Variants in NBEA observed in about 807,000 individuals in gnomAD.
The protein encoded by NBEA is lysosomal-trafficking regulator 2.
In NBEA, 44 loss-of-function variants were observed where a neutral mutation model predicts 343.4. The ratio of observed to expected loss-of-function variants is 0.13; its 90% CI spans 0.10 to 0.16. The LOEUF is 0.16. NBEA is among the 10% of genes least tolerant of loss of function. The pLI is 1.00. For synonymous variants in NBEA, 1,175 were observed against 1,238.7 expected (o/e 0.95, Z 1.08); for missense variants, 2,555 against 3,631.3 (o/e 0.70, Z 7.62).
chr13:35,211,983 A>G (rs1228185944), intron 33 of NBEA, among the ~76,000 whole-genome samples: 2 of 140,586 alleles, frequency 1.4e-5, no homozygotes, highest in African/African-American at 5.4e-5. Flanking sequence ...TTCTTGGAGT[A>G]AGATTGTGTA....
At chr13:34,959,299 C>T (rs2059588550) in intron 1 of NBEA, among the ~76,000 whole-genome samples, 1 of 151,846 alleles carries the variant, frequency 6.6e-6, no homozygotes, top group African/African-American at 2.4e-5. Context: ...TTAATCTGTT[C>T]ACATGCTTGT....
At chr13:35,435,598 G>A (rs1172043843) in intron 39 of NBEA, among the ~76,000 whole-genome samples, 1 of 152,058 alleles carries the variant, frequency 6.6e-6, no homozygotes, top group Non-Finnish European at 1.5e-5. Context: ...ACCTGGATAA[G>A]GATAAAAATG....
chr13:35,271,228 C>T lies in NBEA; in HGVS notation c.5777-19161C>T, dbSNP rs140927954. 8.8e-3 allele frequency among the ~76,000 whole-genome samples: 1,344 copies of T among 152,304 alleles called. 9 individuals are homozygous for T. Among genetic ancestry groups the T allele is most frequent in the South Asian group, 0.022 (106 of 4,824 alleles). The stretch of plus-strand genomic sequence containing the variant: ...CCAGGCAAACAGGGTCTAAAGTGGA[C>T]GTCCAGCGAATTCCAACAGACCTGC... On this transcript the variant is annotated intron_variant, in intron 34 of 58. Coordinates refer to ENST00000379939, the MANE Select transcript of NBEA (RefSeq NM_001385012.1).
intron 41 of NBEA, chr13:35,477,356 CTGTT>C (rs2075919398): frequency 6.5e-6 from 1 of 154,228 alleles, no homozygotes; most frequent in South Asian, 2.1e-4. Context: ...TGTTCTACCC[CTGTT>C]TAAGTTAGGA....
Position 35,522,740 on chromosome 13 carries a change from A to G in NBEA, c.6586-27737A>G, listed in dbSNP as rs992125329. Among the ~76,000 whole-genome samples the G allele has an allele frequency of 3.9e-5, 6 of 152,080 alleles. No homozygotes were observed. The East Asian group carries it at 9.7e-4, about 25-fold the overall frequency. Reference sequence around the variant, plus strand: ...GCATGAGATTCTCATAGGATCGTGAACCCTATTGTGAACTGTGCATTGGAG... The same window carrying G: ...GCATGAGATTCTCATAGGATCGTGAGCCCTATTGTGAACTGTGCATTGGAG... On this transcript the variant is annotated intron_variant, in intron 41 of 58. Coordinates refer to ENST00000379939, the MANE Select transcript of NBEA (RefSeq NM_001385012.1).
Position 35,040,935 on chromosome 13 carries a change from G to A in NBEA, c.297G>A (p.Leu99=). The A allele has an allele frequency of 6.2e-7, 1 of 1,611,972 alleles. No individual in the cohort carries two copies. The highest frequency in any genetic ancestry group is 1.1e-5 in the South Asian group (1 of 91,008). Residue 99 remains leucine, a splice_region_variant and synonymous_variant, in exon 2 of 59, where the codon CTG becomes CTA. Transcript: ENST00000379939. ...TGTTTCTTTCTGTTTACTTTCAGCT[G>A]GTTGGTGGAGAATTTGACTTGGAGA... ...RDIVETVLNL[L]VGGEFDLEMN...
chr13:35,472,618 A>G, intron 41 of NBEA, 82 bp downstream of exon 41: 1 of 1,440,066 alleles, frequency 6.9e-7, no homozygotes, highest in Non-Finnish European at 9.7e-7. Context: ...TTTACCTGAC[A>G]GTGGAGGAGG....
At position 35,459,014 on chromosome 13, in the gene NBEA, CCCCCACACA is replaced by C. The variant is rs1389530437; in HGVS notation, c.6448+6781_6448+6789del. 1.7e-3 allele frequency among the ~76,000 whole-genome samples: 206 copies of C among 122,966 alleles called. 4 individuals are homozygous for C. Among genetic ancestry groups the C allele is most frequent in the African/African-American group, 7.0e-3 (202 of 28,654 alleles). The allele number at this position is 122,966 out of a possible 152,430, so 80.7% of individuals were successfully genotyped here. On this transcript the variant is annotated intron_variant, in intron 40 of 58. Coordinates refer to ENST00000379939, the MANE Select transcript of NBEA (RefSeq NM_001385012.1). ...ATATTTCTTTACCACCGCCCCCCCC[CCCCCACACA>C]CACACACACACACACTTACCAAGTT...
chr13:35,425,164 CT>C (rs1018552595), intron 38 of NBEA, among the ~76,000 whole-genome samples: 18 of 151,998 alleles, frequency 1.2e-4, no homozygotes, highest in Admixed American at 5.9e-4. Flanking sequence ...CTGCTCTAAT[CT>C]TAGTTATTTC....
chr13:35,270,872 G>C (rs1410497681), intron 34 of NBEA, among the ~76,000 whole-genome samples: 1 of 152,188 alleles, frequency 6.6e-6, no homozygotes, highest in Non-Finnish European at 1.5e-5. Context: ...GCCCACCACA[G>C]CCCAGCAAGG....
At chr13:35,623,593 C>T (rs1253665944) in intron 48 of NBEA, among the ~76,000 whole-genome samples, 1 of 151,898 alleles carries the variant, frequency 6.6e-6, no homozygotes. Context: ...CACTATGCTG[C>T]CTCTCTAAGA....
chr13:35,569,789 C>T (rs1207885332), intron 45 of NBEA, among the ~76,000 whole-genome samples: 3 of 152,270 alleles, frequency 2.0e-5, no homozygotes, highest in Non-Finnish European at 4.4e-5. Flanking sequence ...AGTACAGGCT[C>T]AGACTCACTA....
At chr13:35,536,427 AT>A (rs2078546532) in intron 41 of NBEA, among the ~76,000 whole-genome samples, 1 of 152,072 alleles carries the variant, frequency 6.6e-6, no homozygotes, top group South Asian at 2.1e-4. Flanking sequence ...TTTTTTTTTA[AT>A]TTCAATAGAC....
intron 38 of NBEA, among the ~76,000 whole-genome samples, chr13:35,379,267 T>C (rs1594413551): frequency 6.6e-6 from 1 of 152,148 alleles, no homozygotes; most frequent in East Asian, 1.9e-4. Flanking sequence ...GGTGGGAGTA[T>C]GATGTATTGC....
At chr13:35,540,681 A>C (rs1408700371) in intron 41 of NBEA, among the ~76,000 whole-genome samples, 1 of 152,186 alleles carries the variant, frequency 6.6e-6, no homozygotes, top group Non-Finnish European at 1.5e-5. Context: ...TATTTTGCTC[A>C]ACAAAAATTG....
chr13:35,656,465 A>G (rs1011283480), intron 55 of NBEA, among the ~76,000 whole-genome samples: 7 of 152,220 alleles, frequency 4.6e-5, no homozygotes, highest in Non-Finnish European at 8.8e-5. Context: ...CAGCCTCTCA[A>G]ACTTCTTTTT....
intron 38 of NBEA, among the ~76,000 whole-genome samples, chr13:35,394,729 C>G (rs554061501): frequency 3.9e-5 from 6 of 152,092 alleles, no homozygotes; most frequent in Non-Finnish European, 8.8e-5. Flanking sequence ...TGCAAATTCT[C>G]TACCAGATAA....
At chr13:34,947,823 A>G (rs1223694237) in intron 1 of NBEA, among the ~76,000 whole-genome samples, 3 of 152,212 alleles carry the variant, frequency 2.0e-5, no homozygotes, top group Non-Finnish European at 4.4e-5. Flanking sequence ...AAATAAACTC[A>G]TATATAAAGT....
Position 34,942,876 on chromosome 13 carries a change from T to A in NBEA, c.56T>A (p.Leu19His). The A allele has an allele frequency of 2.1e-6, 3 of 1,430,232 alleles. No individual in the cohort carries two copies. The South Asian group carries it at 4.2e-5, about 20-fold the overall frequency. 88.6% of individuals were successfully genotyped at this position (1,430,232 alleles called of 1,614,324 possible). The part of the protein sequence containing the change: ...GPGLEPQPVG[L>H]IAVGAAGGGG... ...GGGCTCGAGCCTCAGCCCGTGGGGCTCATTGCCGTCGGGGCCGCTGGCGGA... is the reference window on the plus strand; with the variant it reads ...GGGCTCGAGCCTCAGCCCGTGGGGCACATTGCCGTCGGGGCCGCTGGCGGA... The change falls in exon 1 of 59, where the codon CTC (leucine) becomes CAC (histidine). Residue 19 changes from leucine (L) to histidine (H), a missense_variant. Coordinates refer to ENST00000379939, the MANE Select transcript of NBEA (RefSeq NM_001385012.1).
Sources: allele counts gnomAD v4.1 joint callset (sites outside exome capture counted in the v4.1 genomes callset), GRCh38; gene constraint gnomAD v4.1.1; transcripts MANE v1.5; gene names NCBI Gene and HGNC (gene_info 2026-07-23, HGNC 2026-07-21).